The following MBOAT2 variants were observed in gnomAD, a reference collection of about 807,000 sequenced individuals.
MBOAT2 encodes the protein membrane-bound glycerophospholipid O-acyltransferase 2.
MBOAT2 carries 28 observed loss-of-function variants against 63.4 expected under a neutral mutation model. The observed-to-expected ratio is 0.44, with a 90% CI of 0.33 to 0.61. The LOEUF (loss-of-function observed/expected upper bound fraction) is 0.61, where lower values mean the gene tolerates loss of function less well. Ranked by LOEUF, MBOAT2 falls within the 20% of genes least tolerant of loss-of-function variation. The pLI is 0.03. For synonymous variants in MBOAT2, 211 were observed against 215.6 expected, an observed-to-expected ratio of 0.98 and a Z score of 0.19; for missense variants, 470 against 605.8, an observed-to-expected ratio of 0.78 and a Z score of 2.35.
At chr2:8,961,897 C>T (rs1335186390) in intron 1 of MBOAT2, among the ~76,000 whole-genome samples, 2 of 152,160 alleles carry the variant, frequency 1.3e-5, no homozygotes, top group South Asian at 4.1e-4. Context: ...CAGCCAGGCT[C>T]CCTGCCCAGA....
chr2:8,883,273 A>AC (rs1484382064), intron 5 of MBOAT2, among the ~76,000 whole-genome samples: 2 of 152,152 alleles, frequency 1.3e-5, no homozygotes, highest in African/African-American at 2.4e-5. Flanking sequence ...AATAGACAAA[A>AC]CTAAAAACAT....
intron 1 of MBOAT2, among the ~76,000 whole-genome samples, chr2:9,001,978 C>G (rs1407677157): frequency 1.3e-5 from 2 of 151,966 alleles, no homozygotes; most frequent in Non-Finnish European, 2.9e-5. Flanking sequence ...CAACAGACAC[C>G]CACCCTGCAT....
chr2:8,889,186 T>C (rs1259295955), intron 4 of MBOAT2, among the ~76,000 whole-genome samples: 1 of 152,238 alleles, frequency 6.6e-6, no homozygotes, highest in Non-Finnish European at 1.5e-5. Flanking sequence ...GGTCTAGTTC[T>C]GACCTGCTCT....
chr2:8,980,311 G>A (rs190210097), intron 1 of MBOAT2, among the ~76,000 whole-genome samples: 9 of 152,208 alleles, frequency 5.9e-5, no homozygotes, highest in East Asian at 3.9e-4. Flanking sequence ...TGACAACAGC[G>A]GATCTGAGGC....
intron 4 of MBOAT2, among the ~76,000 whole-genome samples, chr2:8,894,140 C>T (rs982796285): frequency 6.6e-6 from 1 of 152,126 alleles, no homozygotes; most frequent in Non-Finnish European, 1.5e-5. Flanking sequence ...GTGATATTCC[C>T]CTCCCTGTGT....
chr2:8,906,294 T>A (rs553919448), intron 4 of MBOAT2, among the ~76,000 whole-genome samples: 2 of 152,372 alleles, frequency 1.3e-5, no homozygotes, highest in Admixed American at 6.5e-5. Flanking sequence ...CCTATACAGC[T>A]GTTTTTTAAA....
intron 1 of MBOAT2, among the ~76,000 whole-genome samples, chr2:8,999,550 G>A (rs75411045): frequency 0.018 from 2,681 of 152,222 alleles, 47 homozygotes; most frequent in Middle Eastern, 0.034. Context: ...GCTCGCTTTC[G>A]AGTCTTAAAA....
At chr2:8,947,966 T>C (rs1283675636) in intron 2 of MBOAT2, among the ~76,000 whole-genome samples, 1 of 152,214 alleles carries the variant, frequency 6.6e-6, no homozygotes, top group Non-Finnish European at 1.5e-5. Context: ...CTGACGGATC[T>C]AGGCAAACTA....
intron 3 of MBOAT2, among the ~76,000 whole-genome samples, chr2:8,912,239 A>C (rs1454781330): frequency 6.6e-6 from 1 of 151,362 alleles, no homozygotes; most frequent in Non-Finnish European, 1.5e-5. Context: ...AGTCCTAGCC[A>C]AATCAATAAG....
At chr2:8,981,179 T>G (rs1480128356) in intron 1 of MBOAT2, among the ~76,000 whole-genome samples, 1 of 152,056 alleles carries the variant, frequency 6.6e-6, no homozygotes, top group East Asian at 1.9e-4. Context: ...GCTGAGGGAT[T>G]TGGGGAAATG....
chr2:8,982,140 A>G (rs1030281764), intron 1 of MBOAT2, among the ~76,000 whole-genome samples: 2 of 152,152 alleles, frequency 1.3e-5, no homozygotes, highest in African/African-American at 4.8e-5. Context: ...GTCTCAATAC[A>G]GTACCTGGCA....
chr2:8,983,645 G>A (rs757210394), intron 1 of MBOAT2, among the ~76,000 whole-genome samples: 1 of 152,158 alleles, frequency 6.6e-6, no homozygotes, highest in Non-Finnish European at 1.5e-5. Flanking sequence ...GACTTGATGT[G>A]ATAACTGGTA....
intron 3 of MBOAT2, among the ~76,000 whole-genome samples, chr2:8,923,349 A>AT (rs1281434676): frequency 2.0e-5 from 3 of 152,084 alleles, no homozygotes; most frequent in Non-Finnish European, 2.9e-5. Flanking sequence ...TCTTTGAGAT[A>AT]TTTTTCAGAG....
intron 1 of MBOAT2, among the ~76,000 whole-genome samples, chr2:8,986,750 C>A (rs1017933296): frequency 1.3e-5 from 2 of 152,070 alleles, no homozygotes; most frequent in Non-Finnish European, 2.9e-5. Context: ...TAGGTAGGGC[C>A]CTGGCCTGAC....
intron 4 of MBOAT2, among the ~76,000 whole-genome samples, chr2:8,889,656 T>C (rs908192906): frequency 2.6e-5 from 4 of 152,216 alleles, no homozygotes; most frequent in African/African-American, 9.7e-5. Context: ...GCCTAATTCT[T>C]TTCATAGTTT....
intron 1 of MBOAT2, among the ~76,000 whole-genome samples, chr2:8,986,091 T>C (rs1217644095): frequency 6.6e-6 from 1 of 151,810 alleles, no homozygotes; most frequent in African/African-American, 2.4e-5. Context: ...TTCATCTTTG[T>C]GGTCTTCCTC....
intron 1 of MBOAT2, among the ~76,000 whole-genome samples, chr2:8,996,718 G>A (rs377651674): frequency 6.6e-5 from 10 of 152,146 alleles, no homozygotes; most frequent in East Asian, 1.9e-4. Flanking sequence ...CAGCTGGCTC[G>A]GGAACTTCGC....
chr2:8,874,558 G>A (rs1572937372), intron 7 of MBOAT2, among the ~76,000 whole-genome samples: 1 of 152,262 alleles, frequency 6.6e-6, no homozygotes, highest in Non-Finnish European at 1.5e-5. Context: ...CAGGGATATG[G>A]TGCTGCAACG....
At chr2:8,960,986 G>A (rs1312451456) in intron 1 of MBOAT2, among the ~76,000 whole-genome samples, 14 of 152,206 alleles carry the variant, frequency 9.2e-5, no homozygotes, top group Admixed American at 9.2e-4. Context: ...TGGAAGCAGG[G>A]TGGTTCAGAA....
Sources: gnomAD v4.1 joint callset for allele counts (sites outside exome capture counted in the v4.1 genomes callset) on GRCh38, gnomAD v4.1.1 for gene constraint, MANE v1.5 for transcripts, NCBI Gene and HGNC (gene_info 2026-07-23, HGNC 2026-07-21) for gene names.